FSTL4: variants seen among roughly 807,000 people sequenced by gnomAD.
FSTL4 encodes the protein follistatin like 4, also known as follistatin-related protein 4.
A neutral mutation model predicts 78.2 loss-of-function variants in FSTL4; 28 were observed. That is an observed-to-expected ratio of 0.36 (90% CI 0.27 to 0.49). The LOEUF (loss-of-function observed/expected upper bound fraction) is 0.49. Ranked by LOEUF, FSTL4 falls within the 20% of genes least tolerant of loss-of-function variation. FSTL4 has a pLI of 0.98. For missense variants in FSTL4, 922 were observed against 1,084.9 expected (o/e 0.85, Z 2.11); for synonymous variants, 422 against 440.5 (o/e 0.96, Z 0.53).
the FSTL4 span, among the ~76,000 whole-genome samples, chr5:133,752,591 CAG>C: frequency 6.6e-6 from 1 of 152,024 alleles, no homozygotes; most frequent in Non-Finnish European, 1.5e-5. Context: ...GCCTAGGCGA[CAG>C]AGCGAGGCTC....
At chr5:133,373,702 C>T (rs1755370736) in intron 4 of FSTL4, among the ~76,000 whole-genome samples, 1 of 152,204 alleles carries the variant, frequency 6.6e-6, no homozygotes, top group Non-Finnish European at 1.5e-5. Flanking sequence ...TTGATCATAA[C>T]CTAGTCCATG....
chr5:133,824,865 C>A, the FSTL4 span, among the ~76,000 whole-genome samples: 9 of 152,000 alleles, frequency 5.9e-5, no homozygotes, highest in Admixed American at 5.2e-4. Flanking sequence ...GTACCTGAGT[C>A]CAGGACTCCC....
intron 6 of FSTL4, among the ~76,000 whole-genome samples, chr5:133,271,317 C>T (rs973385942): frequency 2.0e-5 from 3 of 152,164 alleles, no homozygotes; most frequent in Non-Finnish European, 4.4e-5. Context: ...TGTTATTTTC[C>T]AGTGTGATGT....
At chr5:133,290,999 G>A (rs1010651845) in intron 6 of FSTL4, among the ~76,000 whole-genome samples, 1 of 152,220 alleles carries the variant, frequency 6.6e-6, no homozygotes, top group African/African-American at 2.4e-5. Context: ...TCTCCCTAGA[G>A]CCTCCGTCTC....
chr5:133,197,526 T>C lies in FSTL4; in HGVS notation c.*1569A>G, dbSNP rs1222089613. 6.6e-6 allele frequency: 1 copy of C among 152,504 alleles called. No individual in the cohort carries two copies. The highest frequency in any genetic ancestry group is 1.5e-5 in the Non-Finnish European group (1 of 68,174). 9.4% of individuals were successfully genotyped at this position (152,504 alleles called of 1,614,324 possible). ...TGAGATCTGGGGCGGGGGATGCAGG[T>C]GGCTTGGCAGTCAGGCAGGAGTGAA... On this transcript the variant is annotated 3_prime_UTR_variant, in exon 16 of 16. Coordinates refer to ENST00000265342, the MANE Select transcript of FSTL4 (RefSeq NM_015082.2).
In FSTL4 at chr5:133,610,467, A is replaced by G. The variant is rs551884764; in HGVS notation, c.-11+1858T>C. ...GCCTTTTTTTCCTAGGATGGGAGGG[A>G]AAAAGCGAACATTTAGCAGAGTATG... On this transcript the variant is annotated intron_variant, in intron 1 of 15. Transcript: ENST00000265342. Among the ~76,000 whole-genome samples, 15 of 152,284 alleles carry G rather than the reference A, an allele frequency of 9.9e-5. 1 individual carries two copies. In the East Asian group the frequency reaches 2.1e-3, roughly 22 times the overall value.
the FSTL4 span, among the ~76,000 whole-genome samples, chr5:133,702,847 G>A: frequency 1.3e-5 from 2 of 152,170 alleles, no homozygotes. Flanking sequence ...GAAGAGGCAG[G>A]GCACTGGAGC....
the FSTL4 span, among the ~76,000 whole-genome samples, chr5:133,832,363 G>A: frequency 6.6e-6 from 1 of 152,136 alleles, no homozygotes; most frequent in African/African-American, 2.4e-5. Flanking sequence ...CTGCTCATTG[G>A]GTTGCTTATA....
chr5:133,256,350 G>A (rs1215293975), intron 6 of FSTL4: 2 of 152,246 alleles, frequency 1.3e-5, no homozygotes, highest in African/African-American at 2.4e-5. Flanking sequence ...AAAGTCTATT[G>A]ATCTGGTCCC....
At chr5:133,314,369 G>A (rs894003658) in intron 5 of FSTL4, among the ~76,000 whole-genome samples, 8 of 152,236 alleles carry the variant, frequency 5.3e-5, no homozygotes, top group African/African-American at 1.9e-4. Flanking sequence ...AGCCTCCTGG[G>A]ATGCAGGCCT....
Position 133,245,413 on chromosome 5 carries a change from C to T in FSTL4, c.894+3997G>A, listed in dbSNP as rs184388921. On this transcript the variant is annotated intron_variant, in intron 7 of 15. Coordinates refer to ENST00000265342, the MANE Select transcript of FSTL4 (RefSeq NM_015082.2). ...CTGACCCTGTCACTCCCCCATCAAACATCTGCGCTTCCCCACTGCCCACAG... is the reference window on the plus strand; with the variant it reads ...CTGACCCTGTCACTCCCCCATCAAATATCTGCGCTTCCCCACTGCCCACAG... Among the ~76,000 whole-genome samples the T allele has an allele frequency of 2.7e-4, 41 of 152,382 alleles. 1 individual carries two copies. The highest frequency in any genetic ancestry group is 1.3e-3 in the Admixed American group (20 of 15,310).
chr5:133,496,172 T>G (rs1463348676), intron 3 of FSTL4, among the ~76,000 whole-genome samples: 1 of 152,240 alleles, frequency 6.6e-6, no homozygotes, highest in African/African-American at 2.4e-5. Flanking sequence ...CAAGCCCACC[T>G]ACACCCAATT....
At chr5:133,476,155 C>T (rs1037460267) in intron 3 of FSTL4, among the ~76,000 whole-genome samples, 7 of 152,188 alleles carry the variant, frequency 4.6e-5, no homozygotes, top group South Asian at 2.1e-4. Flanking sequence ...GAGATCATCA[C>T]TCCCGGATAA....
chr5:133,626,795 T>C, the FSTL4 span, among the ~76,000 whole-genome samples: 1 of 152,176 alleles, frequency 6.6e-6, no homozygotes, highest in Non-Finnish European at 1.5e-5. Flanking sequence ...GTTTGTTTTA[T>C]GGCCCAGTAT....
At chr5:133,761,944 G>C in the FSTL4 span, among the ~76,000 whole-genome samples, 1 of 152,130 alleles carries the variant, frequency 6.6e-6, no homozygotes, top group Non-Finnish European at 1.5e-5. Flanking sequence ...GTCAGAGACA[G>C]TTAAGGGAGC....
chr5:133,522,183 C>G (rs1286992422), intron 3 of FSTL4, among the ~76,000 whole-genome samples: 2 of 151,944 alleles, frequency 1.3e-5, no homozygotes, highest in Non-Finnish European at 2.9e-5. Context: ...AAATAGCTGT[C>G]AAGACAGGAC....
the FSTL4 span, among the ~76,000 whole-genome samples, chr5:133,829,385 CA>C: frequency 0.52 from 78,718 of 151,100 alleles, 21,145 homozygotes; most frequent in East Asian, 0.81. Context: ...GACTCTGTCT[CA>C]AAAAAAAAGA....
At chr5:133,293,826 A>T (rs1037667354) in intron 6 of FSTL4, among the ~76,000 whole-genome samples, 1 of 152,182 alleles carries the variant, frequency 6.6e-6, no homozygotes, top group African/African-American at 2.4e-5. Flanking sequence ...GCACTAATAA[A>T]TATTGCACTA....
chr5:133,707,320 C>A, the FSTL4 span, among the ~76,000 whole-genome samples: 1 of 152,198 alleles, frequency 6.6e-6, no homozygotes, highest in African/African-American at 2.4e-5. Flanking sequence ...ATCACATGGT[C>A]TAGGAGGCTG....
Sources: allele counts gnomAD v4.1 joint callset (sites outside exome capture counted in the v4.1 genomes callset), GRCh38; gene constraint gnomAD v4.1.1; transcripts MANE v1.5; gene names NCBI Gene and HGNC (gene_info 2026-07-23, HGNC 2026-07-21).